The following AP4E1 variants were observed in gnomAD, a reference collection of about 807,000 sequenced individuals.
AP4E1 encodes adaptor related protein complex 4 subunit epsilon 1.
A neutral mutation model predicts 128.2 loss-of-function variants in AP4E1; 56 were observed. That is an observed-to-expected ratio of 0.44 (90% confidence interval 0.35 to 0.55). The LOEUF is 0.55. AP4E1 is among the 20% of genes least tolerant of loss of function. The probability of loss-of-function intolerance (pLI) is 0.00; values close to 1 mark genes in which losing one functional copy is unlikely to be tolerated. For synonymous variants in AP4E1, 484 were observed against 473.1 expected (o/e 1.02, Z -0.30); for missense variants, 1,324 against 1,307.7 (o/e 1.01, Z -0.19).
chr15:50,985,387 G>A (rs935823164), intron 16 of AP4E1, among the ~76,000 whole-genome samples: 2 of 152,200 alleles, frequency 1.3e-5, no homozygotes, highest in African/African-American at 4.8e-5. Flanking sequence ...CTTTGCCCAT[G>A]CCTACGTCCT....
At position 50,925,231 on chromosome 15, in the gene AP4E1, CT is replaced by C. The variant is rs1161770938; in HGVS notation, c.542+16del. ...CTTCAACATTCTAAGTAAGTAAATT[CT>C]TTTGGGATAGGCATCTATGCCATAT... On this transcript the variant is annotated intron_variant, in intron 5 of 20. Coordinates refer to ENST00000261842, the MANE Select transcript of AP4E1 (RefSeq NM_007347.5). 1 of 1,611,110 alleles carries C rather than the reference CT, an allele frequency of 6.2e-7. No homozygotes were observed. The highest frequency in any genetic ancestry group is 8.5e-7 in the Non-Finnish European group (1 of 1,177,780).
Position 50,908,774 on chromosome 15 carries a change from C to T in AP4E1, c.-5C>T, listed in dbSNP as rs756975040. On this transcript the variant is annotated 5_prime_UTR_variant, in exon 1 of 21. Transcript: ENST00000261842. ...GCGGCGGCGGCATCGCGGGCGGCGG[C>T]GGCGATGAGCGACATAGTGGAGAAG... The T allele has an allele frequency of 9.8e-6, 15 of 1,536,086 alleles. No homozygotes were observed. The highest frequency in any genetic ancestry group is 2.7e-5 in the East Asian group (1 of 37,718).
chr15:50,913,111 CAT>C (rs932195419), intron 2 of AP4E1, among the ~76,000 whole-genome samples: 6 of 152,146 alleles, frequency 3.9e-5, no homozygotes, highest in African/African-American at 1.4e-4. Flanking sequence ...TGCATAAGCA[CAT>C]GATTGTGAAT....
chr15:50,934,463 C>T, intron 7 of AP4E1, 161 bp from the exon 8 acceptor site: 1 of 570,698 alleles, frequency 1.8e-6, no homozygotes, highest in Admixed American at 2.9e-5. Context: ...TCATGAAAAA[C>T]AGCAAACCTT....
chr15:50,922,106 C>T (rs934532556), intron 3 of AP4E1, among the ~76,000 whole-genome samples: 2 of 144,466 alleles, frequency 1.4e-5, no homozygotes, highest in African/African-American at 5.2e-5. Flanking sequence ...TGGGAGGGAT[C>T]GCTTGAGTCT....
intron 14 of AP4E1, among the ~76,000 whole-genome samples, chr15:50,959,926 A>T (rs755963223): frequency 6.6e-6 from 1 of 152,326 alleles, no homozygotes; most frequent in Non-Finnish European, 1.5e-5. Context: ...AAGTGAAGGG[A>T]TAAATAAAAA....
chr15:50,930,655 G>T lies in AP4E1; in HGVS notation c.703-150G>T. 6 of 790,578 alleles carry T rather than the reference G, an allele frequency of 7.6e-6. No homozygotes were observed. The South Asian group carries it at 9.2e-5, about 12-fold the overall frequency. 49.0% of individuals were successfully genotyped at this position (790,578 alleles called of 1,614,324 possible). On this transcript the variant is annotated intron_variant, in intron 6 of 20. Coordinates refer to ENST00000261842, the MANE Select transcript of AP4E1 (RefSeq NM_007347.5). The stretch of plus-strand genomic sequence containing the variant: ...GGTTAGCCAGAGGAATTTTATCATG[G>T]AAGATATTATACATATTAGAGCACT...
Position 50,984,140 on chromosome 15 carries a change from G to A in AP4E1, c.2085G>A (p.Leu695=). ...DVSGNSAETG[L]KETNSLKLEG... ...CTGGGAATAGTGCTGAGACAGGACT[G>A]AAAGAGTAAGTTCATTTCTTATTAA... The change falls in exon 16 of 21, where the codon CTG becomes CTA. Residue 695 remains leucine, a synonymous_variant. Coordinates refer to ENST00000261842, the MANE Select transcript of AP4E1 (RefSeq NM_007347.5). The A allele has an allele frequency of 6.2e-7, 1 of 1,613,072 alleles. No homozygotes were observed. The highest frequency in any genetic ancestry group is 1.1e-5 in the South Asian group (1 of 91,052).
intron 14 of AP4E1, among the ~76,000 whole-genome samples, chr15:50,963,465 A>G (rs959472722): frequency 6.6e-6 from 1 of 152,222 alleles, no homozygotes; most frequent in South Asian, 2.1e-4. Context: ...GAAGTAAAAT[A>G]AGCATGGCAC....
chr15:50,989,395 A>G (rs1358664155), intron 16 of AP4E1, among the ~76,000 whole-genome samples: 3 of 151,964 alleles, frequency 2.0e-5, no homozygotes, highest in Non-Finnish European at 4.4e-5. Flanking sequence ...AATGGTTACA[A>G]GTATTTATCA....
chr15:50,920,303 C>A (rs1230474350), intron 3 of AP4E1, among the ~76,000 whole-genome samples: 1 of 151,164 alleles, frequency 6.6e-6, no homozygotes, highest in Non-Finnish European at 1.5e-5. Flanking sequence ...TTAGTAGAGA[C>A]GGGGTTTCAC....
At chr15:50,909,393 CAG>C (rs1360805209) in intron 1 of AP4E1, among the ~76,000 whole-genome samples, 1 of 152,104 alleles carries the variant, frequency 6.6e-6, no homozygotes, top group Non-Finnish European at 1.5e-5. Context: ...AACAACAGTT[CAG>C]ATGTCGCATA....
chr15:50,925,888 G>A (rs1356949552), intron 5 of AP4E1, among the ~76,000 whole-genome samples: 2 of 151,270 alleles, frequency 1.3e-5, no homozygotes, highest in African/African-American at 2.4e-5. Context: ...GCCTCCCAAA[G>A]TGCTGGGATT....
At position 50,997,799 on chromosome 15, in the gene AP4E1, A is replaced by T; in HGVS notation, c.2820A>T (p.Leu940Phe). 1 of 1,609,252 alleles carries T rather than the reference A, an allele frequency of 6.2e-7. No individual in the cohort carries two copies. Among genetic ancestry groups the T allele is most frequent in the Non-Finnish European group, 8.5e-7 (1 of 1,177,146 alleles). The change falls in exon 18 of 21, where the codon TTA becomes TTT. Residue 940 changes from leucine (L) to phenylalanine (F), a missense_variant. By Grantham distance (22) the Leu-to-Phe change is conservative. Transcript: ENST00000261842. ...ATAAAATTTGGAAAGATGATTGTTT[A>T]TTGATGGTCTGGTCAGTCACTAATA... Reference protein sequence around the residue: ...SSYKIWKDDCLLMVWSVTNKS... With the variant: ...SSYKIWKDDCFLMVWSVTNKS...
rs140849896 is a variant in AP4E1, at chr15:51,000,306, A to G, written c.3096-720A>G. 5.1e-3 allele frequency among the ~76,000 whole-genome samples: 775 copies of G among 151,880 alleles called. 7 individuals carry two copies. Among genetic ancestry groups the G allele is most frequent in the African/African-American group, 0.017 (724 of 41,430 alleles). ...ACAGGAATATGTCACCATGCCAGCT[A>G]ATTTTTGTGTTTTTTGTAGAGATAG... On this transcript the variant is annotated intron_variant, in intron 19 of 20. Coordinates refer to ENST00000261842, the MANE Select transcript of AP4E1 (RefSeq NM_007347.5).
intron 16 of AP4E1, among the ~76,000 whole-genome samples, chr15:50,988,078 C>T (rs2064753322): frequency 6.6e-6 from 1 of 151,992 alleles, no homozygotes; most frequent in African/African-American, 2.4e-5. Flanking sequence ...CTCATTGGAA[C>T]ATTGATAGAT....
intron 14 of AP4E1, among the ~76,000 whole-genome samples, chr15:50,964,664 G>T (rs2064362713): frequency 6.6e-6 from 1 of 151,858 alleles, no homozygotes; most frequent in Admixed American, 6.6e-5. Context: ...TGTGGTGTTG[G>T]TTAATAAGGT....
At chr15:50,976,672 A>T (rs775740890) in intron 15 of AP4E1, among the ~76,000 whole-genome samples, 1 of 152,262 alleles carries the variant, frequency 6.6e-6, no homozygotes, top group African/African-American at 2.4e-5. Context: ...CGAATTCTGG[A>T]AAGTTGTAGG....
intron 2 of AP4E1, among the ~76,000 whole-genome samples, chr15:50,912,971 A>T (rs2063582846): frequency 6.6e-6 from 1 of 151,440 alleles, no homozygotes; most frequent in Non-Finnish European, 1.5e-5. Context: ...GCCTGGCCTG[A>T]TTTTTTTTTA....
Sources: allele counts gnomAD v4.1 joint callset (sites outside exome capture counted in the v4.1 genomes callset), GRCh38; gene constraint gnomAD v4.1.1; transcripts MANE v1.5; gene names NCBI Gene and HGNC (gene_info 2026-07-23, HGNC 2026-07-21).